ZFYVE28: variants seen among roughly 807,000 people sequenced by gnomAD.
The protein encoded by ZFYVE28 is zinc finger FYVE-type containing 28.
A neutral mutation model predicts 82.1 loss-of-function variants in ZFYVE28; 40 were observed. That is an observed-to-expected ratio of 0.49 (90% confidence interval 0.38 to 0.63). ZFYVE28 has a LOEUF of 0.63. Ranked by LOEUF, ZFYVE28 falls within the 30% of genes least tolerant of loss-of-function variation. ZFYVE28 has a pLI of 0.00. For synonymous variants in ZFYVE28, 612 were observed against 546.1 expected (o/e 1.12, Z -1.68); for missense variants, 1,321 against 1,242.1 (o/e 1.06, Z -0.96).
intron 8 of ZFYVE28, among the ~76,000 whole-genome samples, chr4:2,298,696 C>T (rs780840904): frequency 4.6e-5 from 7 of 152,208 alleles, no homozygotes; most frequent in Admixed American, 2.6e-4. Context: ...GTCACAGAGG[C>T]GCCCGACTGC....
intron 1 of ZFYVE28, among the ~76,000 whole-genome samples, chr4:2,360,453 C>T (rs756203936): frequency 2.5e-4 from 37 of 150,624 alleles, no homozygotes; most frequent in Non-Finnish European, 4.3e-4. Context: ...ACAGAAACCC[C>T]GTGCTATTTG....
chr4:2,395,938 C>A (rs184747604), intron 1 of ZFYVE28, among the ~76,000 whole-genome samples: 6 of 151,558 alleles, frequency 4.0e-5, no homozygotes, highest in African/African-American at 1.2e-4. Context: ...GCTAGCAGCA[C>A]CCCCCACACT....
intron 1 of ZFYVE28, among the ~76,000 whole-genome samples, chr4:2,393,359 T>C (rs1730040327): frequency 6.6e-6 from 1 of 152,262 alleles, no homozygotes; most frequent in African/African-American, 2.4e-5. Context: ...TGGGAATTCC[T>C]TGGAAGGCAG....
At chr4:2,387,907 G>A (rs1297804648) in intron 1 of ZFYVE28, among the ~76,000 whole-genome samples, 1 of 152,232 alleles carries the variant, frequency 6.6e-6, no homozygotes, top group Non-Finnish European at 1.5e-5. Flanking sequence ...GGACCCCTGA[G>A]CCTGGGAAGC....
At chr4:2,283,086 G>A (rs1038459139) in intron 8 of ZFYVE28, among the ~76,000 whole-genome samples, 15 of 100,056 alleles carry the variant, frequency 1.5e-4, no homozygotes, top group African/African-American at 6.7e-4. Context: ...TGGGCTGGCT[G>A]CTTCTTGTAA....
At chr4:2,315,133 T>G (rs1027866552) in intron 7 of ZFYVE28, among the ~76,000 whole-genome samples, 1 of 152,164 alleles carries the variant, frequency 6.6e-6, no homozygotes, top group African/African-American at 2.4e-5. Flanking sequence ...GAACTCCAAT[T>G]AATTGTTTTA....
intron 1 of ZFYVE28, among the ~76,000 whole-genome samples, chr4:2,410,202 G>A (rs1732368521): frequency 6.6e-6 from 1 of 152,118 alleles, no homozygotes. Flanking sequence ...ACCACCTCTT[G>A]CTGCGTCAAA....
chr4:2,276,868 G>A (rs1428927352), intron 8 of ZFYVE28, among the ~76,000 whole-genome samples: 6 of 152,118 alleles, frequency 3.9e-5, no homozygotes, highest in Non-Finnish European at 5.9e-5. Context: ...AGATGAGGAC[G>A]TTGCGGAGAT....
chr4:2,308,649 G>GAAAGAAAGAAAGAAAC (rs1457129727), intron 7 of ZFYVE28, among the ~76,000 whole-genome samples: 2 of 104,400 alleles, frequency 1.9e-5, no homozygotes, highest in Non-Finnish European at 3.9e-5. Flanking sequence ...AAGAAAGAAA[G>GAAAGAAAGAAAGAAAC]AAAGAAAGAA....
chr4:2,292,209 G>A (rs981675325), intron 8 of ZFYVE28, among the ~76,000 whole-genome samples: 8 of 152,232 alleles, frequency 5.3e-5, no homozygotes, highest in African/African-American at 1.7e-4. Flanking sequence ...GCCCAGCCAT[G>A]AAGCGAACAG....
At chr4:2,306,569 A>G (rs956262310) in intron 7 of ZFYVE28, among the ~76,000 whole-genome samples, 1 of 152,206 alleles carries the variant, frequency 6.6e-6, no homozygotes, top group Non-Finnish European at 1.5e-5. Flanking sequence ...ATTTGTGTAG[A>G]ATCTCCAGAT....
intron 1 of ZFYVE28, among the ~76,000 whole-genome samples, chr4:2,385,338 G>C (rs1729142382): frequency 6.6e-6 from 1 of 151,784 alleles, no homozygotes; most frequent in Admixed American, 6.6e-5. Flanking sequence ...CCCCAGCGCT[G>C]AGAGAGCACC....
intron 1 of ZFYVE28, among the ~76,000 whole-genome samples, chr4:2,370,018 T>C (rs1727356739): frequency 1.3e-5 from 2 of 151,534 alleles, no homozygotes; most frequent in Admixed American, 1.3e-4. Context: ...GCTCGACTAA[T>C]TTTTGTACTC....
In ZFYVE28 at chr4:2,304,474, G is replaced by A. The variant is rs201345127; in HGVS notation, c.1866C>T (p.Asn622=). Residue 622 remains asparagine (N), a synonymous_variant, in exon 8 of 13, where the codon AAC becomes AAT. Coordinates refer to ENST00000290974, the MANE Select transcript of ZFYVE28 (RefSeq NM_020972.3). ...AAGTGGGGGCTTTGGGCTCCCGCCC[G>A]TTGGAGGCATCTTCTGAGGGTGGGG... ...EAPPPSEDAS[N]GREPKAPTSD... The A allele has an allele frequency of 1.6e-4, 264 of 1,613,270 alleles. 2 individuals are homozygous for A. The highest frequency in any genetic ancestry group is 1.2e-3 in the South Asian group (112 of 91,068).
At chr4:2,329,292 A>T in intron 6 of ZFYVE28, 1 of 448,346 alleles carries the variant, frequency 2.2e-6, no homozygotes, top group Non-Finnish European at 4.0e-6. Flanking sequence ...TAATTTTTTC[A>T]GCAACGTTTT....
rs528050286 is a variant in ZFYVE28 at position 2,321,929 on chromosome 4, G to A, written c.702-1658C>T. 5.9e-5 allele frequency among the ~76,000 whole-genome samples: 9 copies of A among 152,284 alleles called. No individual in the cohort carries two copies. The South Asian group carries it at 1.9e-3, about 32-fold the overall frequency. On this transcript the variant is annotated intron_variant, in intron 6 of 12. Coordinates refer to ENST00000290974, the MANE Select transcript of ZFYVE28 (RefSeq NM_020972.3). ...CAAGGCCCACCCATGAGAGCTGCTG[G>A]CCCAGGACCTCAGAAAAGAACTCGT... is the stretch of plus-strand genomic sequence containing the variant.
At chr4:2,333,671 C>T (rs971119625) in intron 6 of ZFYVE28, among the ~76,000 whole-genome samples, 8 of 152,108 alleles carry the variant, frequency 5.3e-5, no homozygotes, top group South Asian at 2.1e-4. Flanking sequence ...AAAGCACTCG[C>T]GGAGAACTTT....
In ZFYVE28 at chr4:2,302,520, C is replaced by T. The variant is rs773784587; in HGVS notation, c.2051+1769G>A. 5.6e-4 allele frequency among the ~76,000 whole-genome samples: 85 copies of T among 152,226 alleles called. 1 individual carries two copies. Among genetic ancestry groups the T allele is most frequent in the Non-Finnish European group, 1.8e-4 (12 of 68,038 alleles). On this transcript the variant is annotated intron_variant, in intron 8 of 12. Coordinates refer to ENST00000290974, the MANE Select transcript of ZFYVE28 (RefSeq NM_020972.3). Reference sequence around the variant, plus strand: ...GGACTTGGGAAACTGGAACCCACATCCACAGCTGCCTGGATGCCAACTGCA... The same window carrying T: ...GGACTTGGGAAACTGGAACCCACATTCACAGCTGCCTGGATGCCAACTGCA...
chr4:2,368,883 C>T (rs1226189807), intron 1 of ZFYVE28, among the ~76,000 whole-genome samples: 1 of 152,198 alleles, frequency 6.6e-6, no homozygotes, highest in Non-Finnish European at 1.5e-5. Flanking sequence ...TGAGCAACTG[C>T]CAGGCTACTT....
Sources: gnomAD v4.1 joint callset for allele counts (sites outside exome capture counted in the v4.1 genomes callset) on GRCh38, gnomAD v4.1.1 for gene constraint, MANE v1.5 for transcripts, NCBI Gene and HGNC (gene_info 2026-07-23, HGNC 2026-07-21) for gene names.